ME1: variants seen among roughly 807,000 people sequenced by gnomAD.
ME1 encodes the protein NADP-dependent malic enzyme.
In ME1, 74 loss-of-function variants were observed where a neutral mutation model predicts 66.4. The observed-to-expected ratio is 1.11, with a 90% CI of 0.92 to 1.35. The LOEUF is 1.35. ME1 is among the 40% of genes most tolerant of loss of function. The pLI, the probability that ME1 is intolerant of heterozygous loss-of-function variation, is 0.00. For missense variants in ME1, 750 were observed against 694.1 expected (o/e 1.08, Z -0.90); for synonymous variants, 251 against 235.6 (o/e 1.07, Z -0.60).
At chr6:83,384,071 G>T (rs1427927039) in intron 3 of ME1, among the ~76,000 whole-genome samples, 1 of 151,744 alleles carries the variant, frequency 6.6e-6, no homozygotes, top group Non-Finnish European at 1.5e-5. Flanking sequence ...CCAATCCACT[G>T]CTGGTGGGCA....
intron 9 of ME1, among the ~76,000 whole-genome samples, chr6:83,233,197 TC>T (rs1340814072): frequency 8.5e-5 from 13 of 152,158 alleles, no homozygotes; most frequent in Admixed American, 2.0e-4. Flanking sequence ...CTTTTCATTC[TC>T]TTTTCACTGT....
intron 1 of ME1, among the ~76,000 whole-genome samples, chr6:83,426,800 G>A (rs1770381130): frequency 6.6e-6 from 1 of 152,146 alleles, no homozygotes; most frequent in Non-Finnish European, 1.5e-5. Context: ...CTAAAATATG[G>A]AAGAGTGGTG....
At chr6:83,411,006 T>G (rs186079149) in intron 1 of ME1, among the ~76,000 whole-genome samples, 3 of 152,300 alleles carry the variant, frequency 2.0e-5, no homozygotes. Flanking sequence ...TCAATCCTTT[T>G]AAAAACAACA....
chr6:83,404,882 C>T (rs2128551526), intron 2 of ME1, among the ~76,000 whole-genome samples: 1 of 152,226 alleles, frequency 6.6e-6, no homozygotes, highest in South Asian at 2.1e-4. Context: ...GTTTTGGTAC[C>T]AGTACCATGT....
intron 9 of ME1, among the ~76,000 whole-genome samples, chr6:83,236,481 A>G (rs752679811): frequency 2.0e-4 from 30 of 152,200 alleles, no homozygotes; most frequent in Non-Finnish European, 7.3e-5. Context: ...ATTCCTAATC[A>G]TTCATCTTCA....
intron 6 of ME1, among the ~76,000 whole-genome samples, chr6:83,278,055 G>C (rs1767221287): frequency 6.6e-6 from 1 of 152,088 alleles, no homozygotes; most frequent in African/African-American, 2.4e-5. Flanking sequence ...CTTGGAAACT[G>C]TTACTCCCAT....
chr6:83,351,916 A>G, intron 4 of ME1, 148 bp downstream of exon 4: 1 of 452,450 alleles, frequency 2.2e-6, no homozygotes, highest in Non-Finnish European at 4.0e-6. Context: ...CACTATGTAA[A>G]AATCAAAGGG....
chr6:83,391,102 A>G (rs1769611919), intron 3 of ME1, among the ~76,000 whole-genome samples: 1 of 152,124 alleles, frequency 6.6e-6, no homozygotes, highest in Non-Finnish European at 1.5e-5. Flanking sequence ...GATTTCAGAT[A>G]AGATCAGGTT....
intron 13 of ME1, among the ~76,000 whole-genome samples, chr6:83,212,824 T>C (rs1241648052): frequency 6.6e-6 from 1 of 152,128 alleles, no homozygotes; most frequent in Non-Finnish European, 1.5e-5. Context: ...AAGCTTCCAT[T>C]TGACTCTCAT....
chr6:83,430,607 A>C (rs180990408), intron 1 of ME1, among the ~76,000 whole-genome samples: 2 of 152,200 alleles, frequency 1.3e-5, no homozygotes, highest in Non-Finnish European at 2.9e-5. Context: ...TTCCTCTATC[A>C]CTAACCTTTA....
intron 6 of ME1, among the ~76,000 whole-genome samples, chr6:83,263,745 CAACATAACATAACAT>C (rs70987742): frequency 0.031 from 3,407 of 110,692 alleles, 50 homozygotes; most frequent in Non-Finnish European, 0.035. Context: ...AAACAGCTGT[CAACATAACATAACAT>C]AACATAACAT....
rs9765912 is a variant in ME1, at chr6:83,374,125, G to T, written c.363-21986C>A. On this transcript the variant is annotated intron_variant, in intron 3 of 13. Transcript: ENST00000369705. ...CCTTTAGGTATATATCCAGAAAAGG[G>T]ATTGCTGGGTCAAATGGTATTTCTG... Among the ~76,000 whole-genome samples, 1,144 of 152,264 alleles carry T rather than the reference G, an allele frequency of 7.5e-3. 12 individuals are homozygous for T. Among genetic ancestry groups the T allele is most frequent in the African/African-American group, 0.026 (1,068 of 41,540 alleles).
chr6:83,353,497 A>C (rs983069276), intron 3 of ME1, among the ~76,000 whole-genome samples: 3 of 152,080 alleles, frequency 2.0e-5, no homozygotes, highest in African/African-American at 7.2e-5. Flanking sequence ...TCAGTTTTTA[A>C]ATTAAAAAGC....
Position 83,427,702 on chromosome 6 carries a change from A to G in ME1, c.78+3175T>C, listed in dbSNP as rs185937575. On this transcript the variant is annotated intron_variant, in intron 1 of 13. Transcript: ENST00000369705. ...GTGACTCCTGCCCTATGACAATCAA[A>G]GAAATAAGAAAAAAAAATACAACTT... Among the ~76,000 whole-genome samples the G allele has an allele frequency of 5.7e-3, 862 of 152,266 alleles. 5 individuals carry two copies. The highest frequency in any genetic ancestry group is 9.3e-3 in the Non-Finnish European group (635 of 68,018).
intron 7 of ME1, among the ~76,000 whole-genome samples, chr6:83,243,887 G>GTATA (rs370591861): frequency 0.02 from 2,589 of 127,502 alleles, 78 homozygotes; most frequent in African/African-American, 0.066. Context: ...ATGTGTGTGT[G>GTATA]TATATATATA....
At chr6:83,230,812 A>T (rs961380135) in intron 9 of ME1, among the ~76,000 whole-genome samples, 1 of 152,190 alleles carries the variant, frequency 6.6e-6, no homozygotes, top group African/African-American at 2.4e-5. Flanking sequence ...AGGAGCCTGT[A>T]GTCCCAGCTA....
chr6:83,223,961 T>A (rs774488723), intron 11 of ME1, 28 bp from the exon 12 acceptor site: 1 of 1,598,708 alleles, frequency 6.3e-7, no homozygotes, highest in South Asian at 1.1e-5. Context: ...ACAACTCACT[T>A]TAAAAAGAAG....
At chr6:83,430,741 C>A in intron 1 of ME1, 136 bp downstream of exon 1, 1 of 698,264 alleles carries the variant, frequency 1.4e-6, no homozygotes, top group Non-Finnish European at 2.4e-6. Flanking sequence ...CCAAGGCCCC[C>A]CAGGCCGCGG....
At position 83,346,237 on chromosome 6, in the gene ME1, G is replaced by A; in HGVS notation, c.536C>T (p.Ala179Val). 1 of 1,613,206 alleles carries A rather than the reference G, an allele frequency of 6.2e-7. No homozygotes were observed. Among genetic ancestry groups the A allele is most frequent in the Non-Finnish European group, 8.5e-7 (1 of 1,179,466 alleles). The change falls in exon 5 of 14, where the codon GCT (alanine) becomes GTT (valine). Residue 179 changes from alanine (A) to valine (V), a missense_variant. Physicochemically the swap from Ala to Val is moderately conservative, Grantham distance 64. Coordinates refer to ENST00000369705, the MANE Select transcript of ME1 (RefSeq NM_002395.6). ...IPVGKLALYT[A>V]CGGMNPQECL... is the part of the protein sequence containing the mutation. ...TTCTTGAGGATTCATCCCTCCGCAA[G>A]CTGTATATAGAGCCAATTTACCCAC...
Sources: gnomAD v4.1 joint callset for allele counts (sites outside exome capture counted in the v4.1 genomes callset) on GRCh38, gnomAD v4.1.1 for gene constraint, MANE v1.5 for transcripts, NCBI Gene and HGNC (gene_info 2026-07-23, HGNC 2026-07-21) for gene names.